The following ARL15 variants were observed in gnomAD, a reference collection of about 807,000 sequenced individuals.
The protein encoded by ARL15 is ARF like GTPase 15.
A neutral mutation model predicts 25.2 loss-of-function variants in ARL15; 19 were observed. That is an observed-to-expected ratio of 0.75 (90% CI 0.53 to 1.10). ARL15 has a LOEUF of 1.10. Ranked by LOEUF, ARL15 falls within the 50% of genes least tolerant of loss-of-function variation. The pLI is 0.00. For synonymous variants in ARL15, 94 were observed against 86.8 expected, an observed-to-expected ratio of 1.08 and a Z score of -0.46; for missense variants, 220 against 246.0, an observed-to-expected ratio of 0.89 and a Z score of 0.71.
chr5:54,239,198 G>T (rs1465922547), intron 1 of ARL15, among the ~76,000 whole-genome samples: 4 of 150,896 alleles, frequency 2.7e-5, no homozygotes, highest in Admixed American at 1.3e-4. Flanking sequence ...TTATCTTTGG[G>T]CAATGGCAAG....
intron 4 of ARL15, among the ~76,000 whole-genome samples, chr5:53,960,908 C>A (rs1171472015): frequency 2.6e-5 from 4 of 152,176 alleles, no homozygotes; most frequent in Non-Finnish European, 5.9e-5. Context: ...TTATTTGTAA[C>A]CTTCTCTAAA....
chr5:54,199,209 G>A (rs1336934628), intron 1 of ARL15, among the ~76,000 whole-genome samples: 1 of 152,088 alleles, frequency 6.6e-6, no homozygotes, highest in Non-Finnish European at 1.5e-5. Context: ...AGAAAACCTA[G>A]GCAATACTAT....
At chr5:54,058,481 T>C (rs1298997744) in intron 4 of ARL15, among the ~76,000 whole-genome samples, 2 of 152,204 alleles carry the variant, frequency 1.3e-5, no homozygotes, top group South Asian at 2.1e-4. Context: ...CTCCAGGAGC[T>C]TGGGTTCTCA....
intron 4 of ARL15, among the ~76,000 whole-genome samples, chr5:54,018,993 T>C (rs1749508034): frequency 6.6e-6 from 1 of 152,186 alleles, no homozygotes; most frequent in Admixed American, 6.5e-5. Flanking sequence ...CTTTACGAAT[T>C]TGGTACTATT....
At chr5:53,926,846 C>T (rs1241322880) in intron 4 of ARL15, among the ~76,000 whole-genome samples, 1 of 151,752 alleles carries the variant, frequency 6.6e-6, no homozygotes, top group Non-Finnish European at 1.5e-5. Context: ...CCAGGAAAAC[C>T]CCCCACAAAA....
chr5:53,994,356 A>T (rs773027222), intron 4 of ARL15, among the ~76,000 whole-genome samples: 20 of 152,364 alleles, frequency 1.3e-4, no homozygotes, highest in Middle Eastern at 6.8e-3. Context: ...ACTTGTGGAA[A>T]CTGTAATGTT....
intron 4 of ARL15, among the ~76,000 whole-genome samples, chr5:54,051,912 G>A (rs1750711780): frequency 6.6e-6 from 1 of 152,006 alleles, no homozygotes; most frequent in African/African-American, 2.4e-5. Context: ...TAGAAGAATC[G>A]ACTACACAAA....
At chr5:54,163,119 G>GT (rs1168694679) in intron 2 of ARL15, among the ~76,000 whole-genome samples, 3 of 151,544 alleles carry the variant, frequency 2.0e-5, no homozygotes, top group Admixed American at 1.3e-4. Flanking sequence ...TTGATGCTGA[G>GT]TTTTTTTTGT....
intron 1 of ARL15, among the ~76,000 whole-genome samples, chr5:54,217,138 G>A (rs1756230105): frequency 6.7e-6 from 1 of 150,238 alleles, no homozygotes; most frequent in African/African-American, 2.4e-5. Flanking sequence ...TCCTCCCAAA[G>A]TATTTTGTAA....
rs546318259 is a variant in ARL15 at position 54,145,847 on chromosome 5, A to G, written c.253+8733T>C. 3.6e-4 allele frequency among the ~76,000 whole-genome samples: 55 copies of G among 152,364 alleles called. No individual in the cohort carries two copies. The South Asian group carries it at 0.011, about 30-fold the overall frequency. On this transcript the variant is annotated intron_variant, in intron 3 of 4. Coordinates refer to ENST00000504924, the MANE Select transcript of ARL15 (RefSeq NM_019087.3). ...TGAAACTGCTGAGATATTTTATACT[A>G]TAGTACAGTGAACCCTTAAGATTAT... is the stretch of plus-strand genomic sequence containing the variant.
At chr5:54,018,131 G>A (rs929669535) in intron 4 of ARL15, among the ~76,000 whole-genome samples, 17 of 152,114 alleles carry the variant, frequency 1.1e-4, no homozygotes, top group East Asian at 5.8e-4. Flanking sequence ...CAACTGTACC[G>A]CCAAGTTTAC....
chr5:54,139,933 A>G (rs1286612760), intron 3 of ARL15, among the ~76,000 whole-genome samples: 1 of 152,244 alleles, frequency 6.6e-6, no homozygotes, highest in Non-Finnish European at 1.5e-5. Flanking sequence ...AATTGAAAGC[A>G]TACTCATTTT....
At chr5:54,306,381 A>T (rs1015761930) in intron 1 of ARL15, among the ~76,000 whole-genome samples, 1 of 146,880 alleles carries the variant, frequency 6.8e-6, no homozygotes, top group Non-Finnish European at 1.5e-5. Context: ...ACATAATCAC[A>T]ATACGTTAAC....
At chr5:53,964,946 C>G (rs1580124219) in intron 4 of ARL15, among the ~76,000 whole-genome samples, 1 of 152,260 alleles carries the variant, frequency 6.6e-6, no homozygotes, top group East Asian at 1.9e-4. Flanking sequence ...CATTGTGCAC[C>G]TTGGTTTTCT....
At chr5:53,918,827 C>A (rs1389447334) in intron 4 of ARL15, among the ~76,000 whole-genome samples, 5 of 104,668 alleles carry the variant, frequency 4.8e-5, no homozygotes, top group African/African-American at 1.8e-4. Flanking sequence ...GTGAAGTTGA[C>A]AGTAAAAAAA....
chr5:54,178,555 G>C (rs1754954501), intron 1 of ARL15, among the ~76,000 whole-genome samples: 1 of 152,186 alleles, frequency 6.6e-6, no homozygotes, highest in African/African-American at 2.4e-5. Flanking sequence ...AGTACCTAAA[G>C]GGAAGAGAAA....
intron 4 of ARL15, among the ~76,000 whole-genome samples, chr5:53,904,592 T>C (rs1745179685): frequency 6.6e-6 from 1 of 152,080 alleles, no homozygotes; most frequent in African/African-American, 2.4e-5. Flanking sequence ...AGCTGAAAAA[T>C]CATAGGTAAT....
At chr5:54,055,041 AG>A (rs1750820649) in intron 4 of ARL15, among the ~76,000 whole-genome samples, 1 of 152,324 alleles carries the variant, frequency 6.6e-6, no homozygotes, top group African/African-American at 2.4e-5. Context: ...AACACAGTTC[AG>A]TGGCTTTTAG....
chr5:54,066,517 A>C (rs1751238657), intron 4 of ARL15, among the ~76,000 whole-genome samples: 1 of 152,206 alleles, frequency 6.6e-6, no homozygotes, highest in Non-Finnish European at 1.5e-5. Context: ...AAGAAGACTG[A>C]CAGGGACATT....
Sources: gnomAD v4.1 joint callset for allele counts (sites outside exome capture counted in the v4.1 genomes callset) on GRCh38, gnomAD v4.1.1 for gene constraint, MANE v1.5 for transcripts, NCBI Gene and HGNC (gene_info 2026-07-23, HGNC 2026-07-21) for gene names.